MACROD2: variants seen among roughly 807,000 people sequenced by gnomAD.
MACROD2 encodes the protein ADP-ribose glycohydrolase MACROD2.
Under a neutral mutation model 70.4 loss-of-function variants are expected in MACROD2, and 36 were observed. The ratio of observed to expected loss-of-function variants is 0.51; its 90% confidence interval spans 0.39 to 0.68. MACROD2 has a LOEUF of 0.68. Among genes scored for constraint, MACROD2 ranks in the 30% least tolerant of loss-of-function variants. The pLI is 0.00. For synonymous variants in MACROD2, 172 were observed against 178.8 expected (o/e 0.96, Z 0.30); for missense variants, 496 against 538.4 (o/e 0.92, Z 0.78).
At chr20:15,152,409 T>G (rs1312870059) in intron 5 of MACROD2, among the ~76,000 whole-genome samples, 2 of 128,874 alleles carry the variant, frequency 1.6e-5, no homozygotes, top group African/African-American at 3.1e-5. Context: ...AGAAGGGGTT[T>G]GGGGCATGGA....
rs111843778 is a variant in MACROD2 at position 15,478,499 on chromosome 20, C to T, written c.572-21275C>T. ...AGATGGGTGCACTGGAATTACCTGC[C>T]ACCATGTGTAAGTACGTGTATGCAT... On this transcript the variant is annotated intron_variant, in intron 7 of 17. Transcript: ENST00000684519. Among the ~76,000 whole-genome samples, 932 of 152,170 alleles carry T rather than the reference C, an allele frequency of 6.1e-3. 6 individuals carry two copies. The highest frequency in any genetic ancestry group is 0.021 in the African/African-American group (890 of 41,484).
chr20:14,779,315 C>T (rs111871485), intron 5 of MACROD2, among the ~76,000 whole-genome samples: 1,753 of 152,242 alleles, frequency 0.012, 55 homozygotes, highest in African/African-American at 0.039. Flanking sequence ...ATTTTCTTCT[C>T]TCTTCTTAGA....
At chr20:14,141,059 G>A (rs753157977) in intron 3 of MACROD2, among the ~76,000 whole-genome samples, 1 of 152,200 alleles carries the variant, frequency 6.6e-6, no homozygotes, top group Non-Finnish European at 1.5e-5. Context: ...GCTTCAGTGT[G>A]TTGTGTTGGG....
In MACROD2 at chr20:16,044,618, C is replaced by G; in HGVS notation, c.1279C>G (p.Gln427Glu). ...VDKVNDPTESQQEDQLIAGAQ... is the reference protein window; with the variant it reads ...VDKVNDPTESEQEDQLIAGAQ... Reference sequence around the variant, plus strand: ...CAAGGTAAATGACCCAACAGAGAGTCAACAAGAAGATCAACTAATAGGTAA... The same window carrying G: ...CAAGGTAAATGACCCAACAGAGAGTGAACAAGAAGATCAACTAATAGGTAA... Residue 427 changes from glutamine (Q) to glutamate (E), a missense_variant, in exon 17 of 18, where the codon CAA becomes GAA. By Grantham distance (29) the Gln-to-Glu change is conservative (BLOSUM62 2). Coordinates refer to ENST00000684519, the MANE Select transcript of MACROD2 (RefSeq NM_001351661.2). 6.2e-7 allele frequency: 1 copy of G among 1,612,052 alleles called. No homozygotes were observed. Among genetic ancestry groups the G allele is most frequent in the Non-Finnish European group, 8.5e-7 (1 of 1,179,092 alleles).
At chr20:15,321,966 T>C (rs1289596793) in intron 6 of MACROD2, among the ~76,000 whole-genome samples, 1 of 143,472 alleles carries the variant, frequency 7.0e-6, no homozygotes, top group Non-Finnish European at 1.6e-5. Context: ...CTAATTATTG[T>C]ATTTTTAGTA....
chr20:15,685,777 C>T (rs2050217265), intron 8 of MACROD2, among the ~76,000 whole-genome samples: 1 of 152,184 alleles, frequency 6.6e-6, no homozygotes, highest in African/African-American at 2.4e-5. Flanking sequence ...GTGACCTTTT[C>T]CAGCCCTCTG....
At chr20:14,256,217 A>C (rs571878223) in intron 3 of MACROD2, among the ~76,000 whole-genome samples, 70 of 151,720 alleles carry the variant, frequency 4.6e-4, no homozygotes, top group African/African-American at 1.6e-3. Context: ...TCTTATTTTC[A>C]CTTATACTTT....
chr20:15,211,668 C>T (rs957931289), intron 5 of MACROD2, among the ~76,000 whole-genome samples: 5 of 152,068 alleles, frequency 3.3e-5, no homozygotes, highest in Admixed American at 2.0e-4. Context: ...CCACCATGAT[C>T]GTAAGCGTCC....
chr20:15,917,582 T>A (rs934074651), intron 10 of MACROD2, among the ~76,000 whole-genome samples: 17 of 152,216 alleles, frequency 1.1e-4, no homozygotes, highest in African/African-American at 4.1e-4. Context: ...ACTTTGGCTT[T>A]TATGTCTTTG....
At chr20:14,609,219 A>T (rs556420470) in intron 4 of MACROD2, among the ~76,000 whole-genome samples, 2 of 103,220 alleles carry the variant, frequency 1.9e-5, no homozygotes, top group Admixed American at 1.8e-4. Context: ...GAGTTGTAAC[A>T]TTAGAAACAG....
chr20:14,255,710 TAAATAAATAAATAAAA>T (rs1213350385), intron 3 of MACROD2, among the ~76,000 whole-genome samples: 41 of 107,160 alleles, frequency 3.8e-4, no homozygotes, highest in Middle Eastern at 5.4e-3. Flanking sequence ...AATAAATAAA[TAAATAAATAAATAAAA>T]AAGAAAATGT....
chr20:15,830,390 C>T (rs1404544816), intron 8 of MACROD2, among the ~76,000 whole-genome samples: 1 of 152,208 alleles, frequency 6.6e-6, no homozygotes, highest in Non-Finnish European at 1.5e-5. Flanking sequence ...TTCTAAATAT[C>T]TAGGCTGGTG....
intron 6 of MACROD2, among the ~76,000 whole-genome samples, chr20:15,417,338 C>T (rs2046166990): frequency 6.6e-6 from 1 of 150,376 alleles, no homozygotes; most frequent in Admixed American, 6.6e-5. Flanking sequence ...CGCTTGTAAT[C>T]CCAGCACTTT....
intron 5 of MACROD2, among the ~76,000 whole-genome samples, chr20:14,956,982 C>T (rs1453421480): frequency 6.6e-6 from 1 of 152,128 alleles, no homozygotes; most frequent in East Asian, 1.9e-4. Context: ...TTGATATTTT[C>T]CTCTAAGCTA....
At chr20:14,911,624 C>T (rs2074028786) in intron 5 of MACROD2, among the ~76,000 whole-genome samples, 1 of 152,174 alleles carries the variant, frequency 6.6e-6, no homozygotes, top group Non-Finnish European at 1.5e-5. Flanking sequence ...CCTTCTACCT[C>T]AGCTTCCCAA....
At chr20:14,640,543 G>A (rs556289182) in intron 4 of MACROD2, among the ~76,000 whole-genome samples, 1 of 152,204 alleles carries the variant, frequency 6.6e-6, no homozygotes, top group Admixed American at 6.5e-5. Flanking sequence ...GCTGAGAAGT[G>A]GGGCCACTAT....
chr20:14,238,961 A>G (rs1185355175), intron 3 of MACROD2, among the ~76,000 whole-genome samples: 1 of 141,664 alleles, frequency 7.1e-6, no homozygotes, highest in African/African-American at 2.6e-5. Context: ...TGGGAGGCAG[A>G]GGTTGCAGTG....
chr20:14,643,916 A>T (rs1051957009), intron 4 of MACROD2, among the ~76,000 whole-genome samples: 5 of 152,128 alleles, frequency 3.3e-5, no homozygotes, highest in African/African-American at 9.7e-5. Context: ...AATTTTTTTT[A>T]AAAAACCCAA....
chr20:15,589,548 A>G (rs1304387140), intron 8 of MACROD2, among the ~76,000 whole-genome samples: 1 of 152,188 alleles, frequency 6.6e-6, no homozygotes, highest in Non-Finnish European at 1.5e-5. Context: ...CCCATAGTCC[A>G]CAGTTTACAT....
Sources: gnomAD v4.1 joint callset for allele counts (sites outside exome capture counted in the v4.1 genomes callset) on GRCh38, gnomAD v4.1.1 for gene constraint, MANE v1.5 for transcripts, NCBI Gene and HGNC (gene_info 2026-07-23, HGNC 2026-07-21) for gene names.